The following CSMD3 variants were observed in gnomAD, a reference collection of about 807,000 sequenced individuals.
CSMD3 encodes CUB and sushi domain-containing protein 3.
A neutral mutation model predicts 435.2 loss-of-function variants in CSMD3; 177 were observed. The observed-to-expected ratio is 0.41, with a 90% confidence interval of 0.36 to 0.46. CSMD3 has a LOEUF of 0.46. Among genes scored for constraint, CSMD3 ranks in the 20% least tolerant of loss-of-function variants. The probability of loss-of-function intolerance (pLI) is 0.34; values close to 1 mark genes in which losing one functional copy is unlikely to be tolerated. For missense variants in CSMD3, 4,265 were observed against 4,504.6 expected, an observed-to-expected ratio of 0.95 and a Z score of 1.52; for synonymous variants, 1,656 against 1,520.5, an observed-to-expected ratio of 1.09 and a Z score of -2.07.
intron 32 of CSMD3, among the ~76,000 whole-genome samples, chr8:112,420,781 A>T (rs560958890): frequency 1.4e-4 from 21 of 152,290 alleles, no homozygotes; most frequent in Non-Finnish European, 1.2e-4. Context: ...TACTATGTGG[A>T]TATAGTTCCT....
At chr8:113,434,745 C>G (rs1281130964) in intron 1 of CSMD3, among the ~76,000 whole-genome samples, 1 of 152,316 alleles carries the variant, frequency 6.6e-6, no homozygotes, top group South Asian at 2.1e-4. Flanking sequence ...AGTAAATTAA[C>G]GCGCCTTTCC....
chr8:112,651,954 C>T (rs960648075), intron 18 of CSMD3, among the ~76,000 whole-genome samples: 1 of 152,130 alleles, frequency 6.6e-6, no homozygotes, highest in African/African-American at 2.4e-5. Context: ...TTCTCTTACC[C>T]TATCCAAGGC....
intron 64 of CSMD3, 148 bp from the exon 65 acceptor site, chr8:112,244,721 T>C (rs894791706): frequency 7.8e-6 from 5 of 641,036 alleles, no homozygotes; most frequent in African/African-American, 7.3e-5. Context: ...ACAAAAATGT[T>C]TCAATGCAAA....
chr8:113,341,342 G>A (rs4876511), intron 1 of CSMD3, among the ~76,000 whole-genome samples: 141,832 of 152,176 alleles, frequency 0.93, 66,205 homozygotes, highest in East Asian at 1. Flanking sequence ...TTGACCAGCA[G>A]CAAAGTTTTT....
chr8:112,244,357 T>C (rs1191234446), intron 65 of CSMD3, 37 bp downstream of exon 65: 1 of 1,536,848 alleles, frequency 6.5e-7, no homozygotes. Context: ...AATAGTGCAA[T>C]CTCTTGTGTT....
chr8:112,280,288 T>C (rs571405175), intron 59 of CSMD3, among the ~76,000 whole-genome samples: 30 of 152,208 alleles, frequency 2.0e-4, no homozygotes, highest in African/African-American at 7.2e-4. Context: ...AATTTTCTTT[T>C]GAGACAGGGT....
At chr8:113,213,547 T>C (rs1183051603) in intron 3 of CSMD3, among the ~76,000 whole-genome samples, 1 of 149,782 alleles carries the variant, frequency 6.7e-6, no homozygotes, top group Non-Finnish European at 1.5e-5. Context: ...GTTTAAGTCA[T>C]TAGTGAAATC....
chr8:112,382,233 A>G (rs1222566939), intron 37 of CSMD3, among the ~76,000 whole-genome samples: 1 of 150,902 alleles, frequency 6.6e-6, no homozygotes, highest in African/African-American at 2.4e-5. Context: ...GCAGTGAGCT[A>G]TGATTGCACC....
chr8:113,195,902 A>C (rs2092649735), intron 3 of CSMD3, among the ~76,000 whole-genome samples: 1 of 148,610 alleles, frequency 6.7e-6, no homozygotes, highest in Admixed American at 6.8e-5. Context: ...ATCCATATCC[A>C]CCTTTTTGCC....
At chr8:112,948,807 C>T (rs537780964) in intron 8 of CSMD3, among the ~76,000 whole-genome samples, 14 of 152,030 alleles carry the variant, frequency 9.2e-5, no homozygotes, top group South Asian at 6.2e-4. Context: ...ACTGAAAACA[C>T]AGGTAGATCT....
At chr8:112,411,507 T>C (rs751545639) in intron 32 of CSMD3, among the ~76,000 whole-genome samples, 1 of 151,938 alleles carries the variant, frequency 6.6e-6, no homozygotes, top group Non-Finnish European at 1.5e-5. Context: ...AAAAAGTTAC[T>C]CTGAGAGGAT....
intron 47 of CSMD3, among the ~76,000 whole-genome samples, chr8:112,316,147 T>C (rs1404359067): frequency 1.3e-5 from 2 of 151,776 alleles, no homozygotes; most frequent in Non-Finnish European, 3.0e-5. Flanking sequence ...AACTAACACA[T>C]GGCTTTTTGA....
At position 113,193,474 on chromosome 8, in the gene CSMD3, A is replaced by T. The variant is rs2092613504; in HGVS notation, c.515-19558T>A. Among the ~76,000 whole-genome samples the T allele has an allele frequency of 2.0e-5, 3 of 147,952 alleles. No homozygotes were observed. In the South Asian group the frequency reaches 6.4e-4, roughly 32 times the overall value. ...TGCTTCTTAGCTTTTCCTACTAGTG[A>T]CTTAAGATTCAACCTTCTAATGACT... On this transcript the variant is annotated intron_variant, in intron 3 of 70. Coordinates refer to ENST00000297405, the MANE Select transcript of CSMD3 (RefSeq NM_198123.2).
At chr8:113,410,889 G>A (rs1272240867) in intron 1 of CSMD3, among the ~76,000 whole-genome samples, 1 of 130,102 alleles carries the variant, frequency 7.7e-6, no homozygotes, top group Non-Finnish European at 1.6e-5. Flanking sequence ...TTGTGACAGA[G>A]CAAAACCCTG....
chr8:113,372,031 A>AAAAAAAATT (rs1184399231), intron 1 of CSMD3, among the ~76,000 whole-genome samples: 1 of 151,986 alleles, frequency 6.6e-6, no homozygotes, highest in East Asian at 1.9e-4. Context: ...CACACTAGTT[A>AAAAAAAATT]AAAAAAATTA....
intron 1 of CSMD3, among the ~76,000 whole-genome samples, chr8:113,328,860 C>T (rs2094005360): frequency 6.7e-6 from 1 of 149,016 alleles, no homozygotes; most frequent in Non-Finnish European, 1.5e-5. Context: ...CCCATTTCAG[C>T]CTCCCAAGTA....
At chr8:112,892,408 C>A (rs570778288) in intron 10 of CSMD3, among the ~76,000 whole-genome samples, 3 of 151,264 alleles carry the variant, frequency 2.0e-5, no homozygotes, top group Non-Finnish European at 3.0e-5. Flanking sequence ...AATCTCATTG[C>A]CATTTTTGGA....
intron 30 of CSMD3, among the ~76,000 whole-genome samples, chr8:112,497,693 T>A (rs552558362): frequency 1.1e-3 from 168 of 152,118 alleles, no homozygotes; most frequent in Admixed American, 3.9e-3. Flanking sequence ...GTGTGCATAT[T>A]TTTATATTGA....
chr8:112,366,691 C>T (rs1360987653), intron 38 of CSMD3, among the ~76,000 whole-genome samples: 1 of 152,160 alleles, frequency 6.6e-6, no homozygotes, highest in Non-Finnish European at 1.5e-5. Flanking sequence ...AGCCACCACA[C>T]CCAGCCAGGC....
Sources: allele counts gnomAD v4.1 joint callset (sites outside exome capture counted in the v4.1 genomes callset), GRCh38; gene constraint gnomAD v4.1.1; transcripts MANE v1.5; gene names NCBI Gene and HGNC (gene_info 2026-07-23, HGNC 2026-07-21).